The following TMEM200A variants were observed in gnomAD, a reference collection of about 807,000 sequenced individuals.
TMEM200A encodes two transmembrane C.
TMEM200A carries 12 observed loss-of-function variants against 24.3 expected under a neutral mutation model. The ratio of observed to expected loss-of-function variants is 0.49; its 90% CI spans 0.32 to 0.80. TMEM200A has a LOEUF of 0.80. TMEM200A is among the 30% of genes least tolerant of loss of function. The pLI, the probability that TMEM200A is intolerant of heterozygous loss-of-function variation, is 0.04. For missense variants in TMEM200A, 545 were observed against 614.4 expected, an observed-to-expected ratio of 0.89 and a Z score of 1.19; for synonymous variants, 224 against 224.4, an observed-to-expected ratio of 1.00 and a Z score of 0.02.
intron 2 of TMEM200A, among the ~76,000 whole-genome samples, chr6:130,400,362 A>G (rs1182152626): frequency 6.6e-6 from 1 of 152,012 alleles, no homozygotes. Context: ...TTACATTCCC[A>G]CCAGCAGTGT....
In TMEM200A at chr6:130,440,980, T is replaced by G. The variant is rs986752652; in HGVS notation, c.558T>G (p.Thr186=). The G allele has an allele frequency of 6.2e-7, 1 of 1,613,978 alleles. No homozygotes were observed. Among genetic ancestry groups the G allele is most frequent in the East Asian group, 2.2e-5 (1 of 44,818 alleles). Reference sequence around the variant, plus strand: ...AAAGGCAAATGAACGGCATGTACACTGGTTTGATGGGAGAAACAGAAGTAA... The same window carrying G: ...AAAGGCAAATGAACGGCATGTACACGGGTTTGATGGGAGAAACAGAAGTAA... ...KEQRQMNGMY[T]GLMGETEVKQ... is the part of the protein sequence containing the mutation. Residue 186 remains threonine (T), a synonymous_variant, in exon 3 of 3, where the codon ACT becomes ACG. Coordinates refer to ENST00000296978, the MANE Select transcript of TMEM200A (RefSeq NM_001258277.2).
At chr6:130,380,788 TA>T (rs1778578056) in intron 1 of TMEM200A, among the ~76,000 whole-genome samples, 1 of 152,188 alleles carries the variant, frequency 6.6e-6, no homozygotes, top group South Asian at 2.1e-4. Context: ...TTCTCTAATC[TA>T]CCAACATAAT....
chr6:130,422,126 C>A (rs1779607967), intron 2 of TMEM200A, among the ~76,000 whole-genome samples: 1 of 152,036 alleles, frequency 6.6e-6, no homozygotes, highest in South Asian at 2.1e-4. Flanking sequence ...GTTTGAGGAA[C>A]CTTCATACTT....
At chr6:130,388,618 A>G (rs1350484117) in intron 2 of TMEM200A, among the ~76,000 whole-genome samples, 1 of 152,222 alleles carries the variant, frequency 6.6e-6, no homozygotes, top group Non-Finnish European at 1.5e-5. Flanking sequence ...TGAGTGGCAT[A>G]AGTAGATACT....
intron 2 of TMEM200A, among the ~76,000 whole-genome samples, chr6:130,391,697 A>G (rs1278607121): frequency 2.2e-5 from 3 of 135,652 alleles, no homozygotes; most frequent in Non-Finnish European, 4.8e-5. Flanking sequence ...TAAACTCACC[A>G]TCTTATTTCA....
intron 2 of TMEM200A, among the ~76,000 whole-genome samples, chr6:130,407,868 C>G: frequency 6.6e-6 from 1 of 152,176 alleles, no homozygotes; most frequent in East Asian, 1.9e-4. Flanking sequence ...CATCTCAGAC[C>G]TGATCTCTGA....
intron 1 of TMEM200A, among the ~76,000 whole-genome samples, chr6:130,380,178 G>T (rs1015063032): frequency 6.6e-6 from 1 of 152,092 alleles, no homozygotes; most frequent in Non-Finnish European, 1.5e-5. Flanking sequence ...CATAGTTGTT[G>T]ATACTGTCAG....
At chr6:130,389,819 A>G (rs1778793695) in intron 2 of TMEM200A, among the ~76,000 whole-genome samples, 1 of 152,188 alleles carries the variant, frequency 6.6e-6, no homozygotes, top group African/African-American at 2.4e-5. Context: ...GTGCTAACTA[A>G]GGGACTCAGA....
upstream of TMEM200A, chr6:130,365,846 C>T (rs1036134874): frequency 4.1e-6 from 4 of 985,502 alleles, no homozygotes; most frequent in African/African-American, 5.2e-5. Flanking sequence ...CTGCGTCCTC[C>T]AGGAGGAGTG....
chr6:130,425,906 A>G (rs922585324), intron 2 of TMEM200A, among the ~76,000 whole-genome samples: 4 of 152,204 alleles, frequency 2.6e-5, no homozygotes, highest in African/African-American at 7.2e-5. Context: ...ATGTTTGTCT[A>G]TGGATCTGAT....
At chr6:130,399,926 A>G (rs1209658592) in intron 2 of TMEM200A, among the ~76,000 whole-genome samples, 10 of 151,982 alleles carry the variant, frequency 6.6e-5, no homozygotes, top group Non-Finnish European at 1.5e-4. Context: ...ATCAGTGAGA[A>G]CATACAATGT....
At chr6:130,365,964 C>A (rs1020452326), upstream of TMEM200A, 9 of 973,480 alleles carry the variant, frequency 9.2e-6, no homozygotes, top group Admixed American at 1.3e-4. Flanking sequence ...CCGGCCCCCG[C>A]CCCCAACCCG....
intron 2 of TMEM200A, among the ~76,000 whole-genome samples, chr6:130,436,355 T>A (rs118177297): frequency 1.3e-5 from 2 of 152,028 alleles, no homozygotes; most frequent in Non-Finnish European, 2.9e-5. Context: ...AGAGTATGGC[T>A]TGTTACAGTG....
chr6:130,405,394 G>T (rs576368674), intron 2 of TMEM200A, among the ~76,000 whole-genome samples: 1 of 151,986 alleles, frequency 6.6e-6, no homozygotes, highest in Non-Finnish European at 1.5e-5. Flanking sequence ...CGTATTCCTG[G>T]GTATTTTATT....
intron 2 of TMEM200A, among the ~76,000 whole-genome samples, chr6:130,415,062 T>A (rs1008481685): frequency 1.4e-4 from 21 of 152,142 alleles, no homozygotes; most frequent in Non-Finnish European, 2.2e-4. Context: ...ATTTTATTGT[T>A]TTGTAGATAA....
At chr6:130,402,366 G>T (rs1341184866) in intron 2 of TMEM200A, among the ~76,000 whole-genome samples, 1 of 151,960 alleles carries the variant, frequency 6.6e-6, no homozygotes, top group Non-Finnish European at 1.5e-5. Context: ...AAATACAAAA[G>T]GTTGACACTC....
chr6:130,414,148 G>C (rs1779394382), intron 2 of TMEM200A, among the ~76,000 whole-genome samples: 1 of 152,082 alleles, frequency 6.6e-6, no homozygotes, highest in East Asian at 1.9e-4. Flanking sequence ...AATATAAAAA[G>C]AGGCCAGCCA....
intron 2 of TMEM200A, among the ~76,000 whole-genome samples, chr6:130,406,860 A>G (rs1011124727): frequency 1.3e-5 from 2 of 152,002 alleles, no homozygotes; most frequent in African/African-American, 4.8e-5. Context: ...TTAGCCTCCC[A>G]TCTGGGCCTT....
At chr6:130,427,723 T>A (rs1054287909) in intron 2 of TMEM200A, among the ~76,000 whole-genome samples, 14 of 151,390 alleles carry the variant, frequency 9.2e-5, no homozygotes, top group African/African-American at 2.9e-4. Flanking sequence ...AATCTTTTTG[T>A]CTTTTTTTTT....
Sources: allele counts gnomAD v4.1 joint callset (sites outside exome capture counted in the v4.1 genomes callset), GRCh38; gene constraint gnomAD v4.1.1; transcripts MANE v1.5; gene names NCBI Gene and HGNC (gene_info 2026-07-23, HGNC 2026-07-21).